The following KLHDC1 variants were observed in gnomAD, a reference collection of about 807,000 sequenced individuals.
KLHDC1 encodes kelch domain containing 1, also known as kelch domain-containing protein 1.
KLHDC1 carries 53 observed loss-of-function variants against 68.3 expected under a neutral mutation model. The observed-to-expected ratio is 0.78, with a 90% CI of 0.62 to 0.98. The LOEUF (loss-of-function observed/expected upper bound fraction) is 0.98, where lower values mean the gene tolerates loss of function less well. Among genes scored for constraint, KLHDC1 ranks in the 50% least tolerant of loss-of-function variants. The probability of loss-of-function intolerance (pLI) is 0.00; values close to 1 mark genes in which losing one functional copy is unlikely to be tolerated. For missense variants in KLHDC1, 470 were observed against 492.3 expected, an observed-to-expected ratio of 0.95 and a Z score of 0.43; for synonymous variants, 148 against 159.0, an observed-to-expected ratio of 0.93 and a Z score of 0.52.
intron 5 of KLHDC1, among the ~76,000 whole-genome samples, chr14:49,724,884 A>G (rs1173112097): frequency 2.0e-5 from 3 of 148,428 alleles, no homozygotes; most frequent in African/African-American, 7.5e-5. Flanking sequence ...GCACATTTCT[A>G]TAATCCCAGC....
At chr14:49,729,047 A>C in intron 7 of KLHDC1, 38 bp downstream of exon 7, 1 of 1,320,578 alleles carries the variant, frequency 7.6e-7, no homozygotes, top group African/African-American at 1.4e-5. Flanking sequence ...TTTATGTGCA[A>C]TGCTCCTTAT....
intron 10 of KLHDC1, among the ~76,000 whole-genome samples, chr14:49,739,115 G>A (rs1458230545): frequency 6.6e-6 from 1 of 152,178 alleles, no homozygotes; most frequent in African/African-American, 2.4e-5. Context: ...AACCAGTTTT[G>A]GGTGGGTATT....
chr14:49,713,831 TATATATATATATA>T lies in KLHDC1; in HGVS notation c.404+3451_404+3463del, dbSNP rs1888287621. Among the ~76,000 whole-genome samples the T allele has an allele frequency of 9.2e-3, 126 of 13,740 alleles. 13 individuals carry two copies. Among genetic ancestry groups the T allele is most frequent in the East Asian group, 0.015 (8 of 530 alleles). The allele number at this position is 13,740 out of a possible 152,430, so 9.0% of individuals were successfully genotyped here. On this transcript the variant is annotated intron_variant, in intron 4 of 12. Transcript: ENST00000359332. ...ATATATATATATATATATATATATA[TATATATATATATA>T]TATATATTTTTTTTTTTTTTTTTCC...
In KLHDC1 at chr14:49,693,159, T is replaced by G; in HGVS notation, c.-36T>G. On this transcript the variant is annotated 5_prime_UTR_variant, in exon 1 of 13. Coordinates refer to ENST00000359332, the MANE Select transcript of KLHDC1 (RefSeq NM_172193.3). ...GCGAGGCCGCCGGGCGGGCAGGGGT[T>G]GTGGCGCGGCAAGCGGCGGGCCAGC... 1 of 1,553,814 alleles carries G rather than the reference T, an allele frequency of 6.4e-7. No homozygotes were observed. Among genetic ancestry groups the G allele is most frequent in the Non-Finnish European group, 8.7e-7 (1 of 1,148,096 alleles).
chr14:49,744,997 C>G (rs1594684424), intron 12 of KLHDC1, among the ~76,000 whole-genome samples: 1 of 152,186 alleles, frequency 6.6e-6, no homozygotes, highest in Non-Finnish European at 1.5e-5. Flanking sequence ...ATGGAAGAAG[C>G]CCCTATTTCT....
At chr14:49,732,004 TA>T (rs1888820880) in intron 8 of KLHDC1, among the ~76,000 whole-genome samples, 1 of 152,004 alleles carries the variant, frequency 6.6e-6, no homozygotes, top group South Asian at 2.1e-4. Flanking sequence ...AACAACAATA[TA>T]AAAACCCATA....
rs572396097 is a variant in KLHDC1 at position 49,752,648 on chromosome 14, TACAGAGTTGTACTCAAG to T, written c.*882_*898del. On this transcript the variant is annotated 3_prime_UTR_variant, in exon 13 of 13. Transcript: ENST00000359332. Reference sequence around the variant, plus strand: ...TCCCTCAGTTTGGCCCCCACCATTCTACAGAGTTGTACTCAAGACAGATACTGAAAAAATCTAATACC... The same window carrying T: ...TCCCTCAGTTTGGCCCCCACCATTCTACAGATACTGAAAAAATCTAATACC... The T allele has an allele frequency of 1.5e-3, 228 of 152,282 alleles. No individual in the cohort carries two copies. The highest frequency in any genetic ancestry group is 5.2e-3 in the African/African-American group (218 of 41,558). The allele number at this position is 152,282 out of a possible 1,614,324, so 9.4% of individuals were successfully genotyped here. A position where few individuals can be genotyped will look rare whatever the true frequency, so the allele number is the denominator to read the frequency against.
intron 12 of KLHDC1, among the ~76,000 whole-genome samples, chr14:49,747,924 T>C (rs1174354369): frequency 6.6e-6 from 1 of 151,680 alleles, no homozygotes; most frequent in Non-Finnish European, 1.5e-5. Flanking sequence ...TAACAAACGG[T>C]GAAGGGGATT....
At chr14:49,751,280 A>G (rs1336489683) in intron 12 of KLHDC1, among the ~76,000 whole-genome samples, 2 of 152,206 alleles carry the variant, frequency 1.3e-5, no homozygotes, top group African/African-American at 2.4e-5. Flanking sequence ...ATGCATTGCC[A>G]TGTAAAATTT....
chr14:49,709,398 T>A (rs1440771937), intron 2 of KLHDC1, among the ~76,000 whole-genome samples, 169 bp downstream of exon 2: 1 of 152,176 alleles, frequency 6.6e-6, no homozygotes, highest in African/African-American at 2.4e-5. Flanking sequence ...TCCCCTACTG[T>A]CTTCCCTGCT....
chr14:49,706,123 C>T (rs79501254), intron 1 of KLHDC1, among the ~76,000 whole-genome samples: 20,199 of 152,122 alleles, frequency 0.13, 1,672 homozygotes, highest in Non-Finnish European at 0.19. Flanking sequence ...TCCCTACCCA[C>T]CCACTCCCAC....
chr14:49,732,681 C>T, intron 8 of KLHDC1, 23 bp from the exon 9 acceptor site: 7 of 1,208,840 alleles, frequency 5.8e-6, no homozygotes, highest in Non-Finnish European at 8.5e-6. Context: ...AGTACCTAGA[C>T]TTTCTTTTTC....
chr14:49,693,748 C>CTTTCTTTTTT (rs1887645154), intron 1 of KLHDC1, among the ~76,000 whole-genome samples: 1 of 61,540 alleles, frequency 1.6e-5, no homozygotes, highest in Non-Finnish European at 3.4e-5. Flanking sequence ...TTTTCTTTTT[C>CTTTCTTTTTT]TTTTTTTTTT....
At chr14:49,733,106 A>T (rs928717694) in intron 9 of KLHDC1, among the ~76,000 whole-genome samples, 1 of 152,172 alleles carries the variant, frequency 6.6e-6, no homozygotes, top group Non-Finnish European at 1.5e-5. Flanking sequence ...TTTGATCCAG[A>T]TGCTTGTACT....
intron 1 of KLHDC1, among the ~76,000 whole-genome samples, chr14:49,700,955 T>G (rs1887888016): frequency 6.6e-6 from 1 of 152,006 alleles, no homozygotes; most frequent in African/African-American, 2.4e-5. Flanking sequence ...TGGTGGCACA[T>G]GCCTGTAATC....
intron 5 of KLHDC1, among the ~76,000 whole-genome samples, chr14:49,725,304 C>T (rs933699686): frequency 6.5e-4 from 1 of 1,542 alleles, no homozygotes; most frequent in East Asian, 0.024. Flanking sequence ...CCATGACCCA[C>T]CCCCTAAAGT....
intron 12 of KLHDC1, among the ~76,000 whole-genome samples, chr14:49,750,606 C>A (rs1007774588): frequency 6.6e-6 from 1 of 152,096 alleles, no homozygotes; most frequent in Non-Finnish European, 1.5e-5. Flanking sequence ...GCTAAAGTTA[C>A]CCACAGCAGA....
At chr14:49,712,053 G>A (rs538909830) in intron 4 of KLHDC1, among the ~76,000 whole-genome samples, 1 of 151,306 alleles carries the variant, frequency 6.6e-6, no homozygotes. Context: ...GAGTAGCTGG[G>A]ACGACAGGTG....
At chr14:49,737,700 GA>G (rs767783648) in intron 10 of KLHDC1, among the ~76,000 whole-genome samples, 584 of 132,302 alleles carry the variant, frequency 4.4e-3, no homozygotes, top group Middle Eastern at 7.6e-3. Flanking sequence ...CCCCATCTCT[GA>G]AAAAAAAAAA....
Sources: allele counts gnomAD v4.1 joint callset (sites outside exome capture counted in the v4.1 genomes callset), GRCh38; gene constraint gnomAD v4.1.1; transcripts MANE v1.5; gene names NCBI Gene and HGNC (gene_info 2026-07-23, HGNC 2026-07-21).